The following PELI2 variants were observed in gnomAD, a reference collection of about 807,000 sequenced individuals.
PELI2 encodes pellino E3 ubiquitin protein ligase family member 2, also known as E3 ubiquitin-protein ligase pellino homolog 2.
In PELI2, 23 loss-of-function variants were observed where a neutral mutation model predicts 42.3. That is an observed-to-expected ratio of 0.54 (90% CI 0.39 to 0.77). PELI2 has a LOEUF of 0.77. Ranked by LOEUF, PELI2 falls within the 30% of genes least tolerant of loss-of-function variation. The pLI is 0.00. For missense variants in PELI2, 463 were observed against 553.2 expected (o/e 0.84, Z 1.64); for synonymous variants, 245 against 212.2 (o/e 1.15, Z -1.34).
rs1890108689 is a variant in PELI2, at chr14:56,299,383, A to G, written c.*2217A>G. On this transcript the variant is annotated 3_prime_UTR_variant, in exon 6 of 6. Coordinates refer to ENST00000267460, the MANE Select transcript of PELI2 (RefSeq NM_021255.3). ...ACTAAAAGTTTCTGACTTTTAGTAA[A>G]TTCAGCTTAAATATAAGTTGAAATT... is the stretch of plus-strand genomic sequence containing the variant. 6.6e-6 allele frequency: 1 copy of G among 152,194 alleles called. No homozygotes were observed. Among genetic ancestry groups the G allele is most frequent in the Admixed American group, 6.5e-5 (1 of 15,278 alleles). The allele number at this position is 152,194 out of a possible 1,614,324, so 9.4% of individuals were successfully genotyped here. A position where few individuals can be genotyped will look rare whatever the true frequency, so the allele number is the denominator to read the frequency against.
chr14:56,179,297 A>G (rs1322018862), intron 2 of PELI2, among the ~76,000 whole-genome samples: 1 of 152,252 alleles, frequency 6.6e-6, no homozygotes, highest in Non-Finnish European at 1.5e-5. Flanking sequence ...CACCTGGCAT[A>G]TAAATGAGAG....
At chr14:56,196,889 G>T (rs188846637) in intron 2 of PELI2, among the ~76,000 whole-genome samples, 325 of 152,180 alleles carry the variant, frequency 2.1e-3, no homozygotes, top group Non-Finnish European at 3.9e-3. Context: ...CTTGAGTTGG[G>T]TATAATCAAA....
rs150246725 is a variant in PELI2, at chr14:56,271,791, G to A, written c.208-7885G>A. ...GACGTTTCCTAGCCCTGCTCCCATCGGGCAGGCTGTTAGAGAACCTCTGAC... is the reference window on the plus strand; with the variant it reads ...GACGTTTCCTAGCCCTGCTCCCATCAGGCAGGCTGTTAGAGAACCTCTGAC... On this transcript the variant is annotated intron_variant, in intron 2 of 5. Coordinates refer to ENST00000267460, the MANE Select transcript of PELI2 (RefSeq NM_021255.3). Among the ~76,000 whole-genome samples the A allele has an allele frequency of 2.8e-3, 419 of 152,244 alleles. 1 individual carries two copies. The highest frequency in any genetic ancestry group is 4.9e-3 in the Non-Finnish European group (335 of 68,014).
In PELI2 at chr14:56,288,694, C is replaced by A; in HGVS notation, c.507+60C>A. The A allele has an allele frequency of 1.6e-6, 2 of 1,276,172 alleles. No homozygotes were observed. Among genetic ancestry groups the A allele is most frequent in the South Asian group, 1.3e-5 (1 of 75,912 alleles). 79.1% of individuals were successfully genotyped at this position (1,276,172 alleles called of 1,614,324 possible). The stretch of plus-strand genomic sequence containing the variant: ...AAATGCTTGTGATTATGATATGGAA[C>A]ATTTAATTGGAGCAAAAAAAAATTG... On this transcript the variant is annotated intron_variant, in intron 4 of 5. Coordinates refer to ENST00000267460, the MANE Select transcript of PELI2 (RefSeq NM_021255.3). This position sits in a 1 kb window ranked among gnomAD's most constrained non-coding sequence, Gnocchi z 4.6.
At chr14:56,233,676 G>A (rs1483577481) in intron 2 of PELI2, among the ~76,000 whole-genome samples, 4 of 152,212 alleles carry the variant, frequency 2.6e-5, no homozygotes, top group Admixed American at 2.0e-4. Context: ...AGGCAATACC[G>A]TTCATAACAT....
chr14:56,263,150 A>G (rs1416403878), intron 2 of PELI2, among the ~76,000 whole-genome samples: 1 of 152,068 alleles, frequency 6.6e-6, no homozygotes, highest in African/African-American at 2.4e-5. Context: ...TAGTAGAGAC[A>G]GGGTTTCACC....
rs114445400 is a variant in PELI2, at chr14:56,168,207, T to A, written c.78-10128T>A. On this transcript the variant is annotated intron_variant, in intron 1 of 5. Coordinates refer to ENST00000267460, the MANE Select transcript of PELI2 (RefSeq NM_021255.3). ...ATGTTCACTCAAGGCTCTGGGGCTC[T>A]GTAATCAGCAGGTGGCAAAACCAGC... 4.7e-4 allele frequency among the ~76,000 whole-genome samples: 71 copies of A among 152,314 alleles called. 1 individual carries two copies. The highest frequency in any genetic ancestry group is 1.1e-3 in the African/African-American group (44 of 41,576).
chr14:56,223,949 G>C (rs941930679), intron 2 of PELI2, among the ~76,000 whole-genome samples: 1 of 152,180 alleles, frequency 6.6e-6, no homozygotes, highest in Non-Finnish European at 1.5e-5. Context: ...AATATACAAG[G>C]ATGGTGGAGA....
intron 2 of PELI2, among the ~76,000 whole-genome samples, chr14:56,225,574 T>C (rs1398773800): frequency 6.6e-6 from 1 of 152,138 alleles, no homozygotes; most frequent in Non-Finnish European, 1.5e-5. Flanking sequence ...TGGCAGAGCC[T>C]GGGCCATTCT....
chr14:56,156,834 T>A (rs1262062513), intron 1 of PELI2, among the ~76,000 whole-genome samples: 2 of 152,194 alleles, frequency 1.3e-5, no homozygotes, highest in African/African-American at 4.8e-5. Context: ...ACCTATAAGG[T>A]CATTTGTAGC....
intron 2 of PELI2, among the ~76,000 whole-genome samples, chr14:56,189,284 T>A (rs1885877629): frequency 6.6e-6 from 1 of 152,226 alleles, no homozygotes; most frequent in Non-Finnish European, 1.5e-5. Context: ...TTTTTGTCCA[T>A]CATGGGTTAA....
In PELI2 at chr14:56,299,453, C is replaced by T. The variant is rs920789988; in HGVS notation, c.*2287C>T. The T allele has an allele frequency of 6.6e-6, 1 of 152,190 alleles. No individual in the cohort carries two copies. Among genetic ancestry groups the T allele is most frequent in the African/African-American group, 2.4e-5 (1 of 41,442 alleles). 9.4% of individuals were successfully genotyped at this position (152,190 alleles called of 1,614,324 possible). A position where few individuals can be genotyped will look rare whatever the true frequency, so the allele number is the denominator to read the frequency against. On this transcript the variant is annotated 3_prime_UTR_variant, in exon 6 of 6. Transcript: ENST00000267460. Reference sequence around the variant, plus strand: ...TCTTGGAAGGGGTAACAGTGAACCGCCCTCCATGGGCTCCACATCTTTTCC... The same window carrying T: ...TCTTGGAAGGGGTAACAGTGAACCGTCCTCCATGGGCTCCACATCTTTTCC...
At chr14:56,232,844 G>A (rs1190676528) in intron 2 of PELI2, among the ~76,000 whole-genome samples, 4 of 150,318 alleles carry the variant, frequency 2.7e-5, no homozygotes, top group African/African-American at 9.7e-5. Context: ...TGACATGATT[G>A]TCTATTTAGA....
rs571064832 is a variant in PELI2 at position 56,288,196 on chromosome 14, CATATT to C, written c.310-235_310-231del. Among the ~76,000 whole-genome samples the C allele has an allele frequency of 7.6e-3, 1,159 of 152,290 alleles. 9 individuals carry two copies. Among genetic ancestry groups the C allele is most frequent in the Non-Finnish European group, 0.013 (869 of 68,022 alleles). ...CTCAAATATTTCAGAGGATACATCTCATATTATATTCTTAGCACAATACAATAAAA... is the reference window on the plus strand; with the variant it reads ...CTCAAATATTTCAGAGGATACATCTCATATTCTTAGCACAATACAATAAAA... On this transcript the variant is annotated intron_variant, in intron 3 of 5. Transcript: ENST00000267460. This position sits in a 1 kb window ranked among gnomAD's most constrained non-coding sequence, Gnocchi z 4.6.
At chr14:56,296,021 A>G (rs1331833862) in intron 5 of PELI2, among the ~76,000 whole-genome samples, 1 of 152,268 alleles carries the variant, frequency 6.6e-6, no homozygotes, top group Non-Finnish European at 1.5e-5. Context: ...CACTTAGTGC[A>G]TAGCACAGGC....
intron 1 of PELI2, among the ~76,000 whole-genome samples, chr14:56,172,277 G>A (rs1052430004): frequency 3.3e-5 from 5 of 152,222 alleles, no homozygotes; most frequent in Non-Finnish European, 7.3e-5. Flanking sequence ...CCTTAGCGGG[G>A]TGGCTGGAAG....
chr14:56,239,717 C>T (rs562195431), intron 2 of PELI2, among the ~76,000 whole-genome samples: 108 of 152,248 alleles, frequency 7.1e-4, no homozygotes, highest in Middle Eastern at 6.8e-3. Flanking sequence ...GCCCCGTGCA[C>T]TTGTGAAGGG....
At chr14:56,167,421 A>G (rs1007642631) in intron 1 of PELI2, among the ~76,000 whole-genome samples, 1 of 152,116 alleles carries the variant, frequency 6.6e-6, no homozygotes, top group Non-Finnish European at 1.5e-5. Flanking sequence ...TCAGGCTAAC[A>G]AATTCTTCAG....
rs1209678853 is a variant in PELI2, at chr14:56,175,736, G to GT, written c.78-2592dup. ...GCATGTGTTAAGGTTGACACTTCTG[G>GT]TTTTTTTCCCTCCCTTTATATTAGA... On this transcript the variant is annotated intron_variant, in intron 1 of 5. Coordinates refer to ENST00000267460, the MANE Select transcript of PELI2 (RefSeq NM_021255.3). Among the ~76,000 whole-genome samples, 12 of 152,276 alleles carry GT rather than the reference G, an allele frequency of 7.9e-5. No homozygotes were observed. In the East Asian group the frequency reaches 1.9e-3, roughly 24 times the overall value.
Sources: allele counts gnomAD v4.1 joint callset (sites outside exome capture counted in the v4.1 genomes callset), GRCh38; gene constraint gnomAD v4.1.1; non-coding constraint Gnocchi (gnomAD v3.1); transcripts MANE v1.5; gene names NCBI Gene and HGNC (gene_info 2026-07-23, HGNC 2026-07-21).